MTG1: variants seen among roughly 807,000 people sequenced by gnomAD.
MTG1 encodes the protein mitochondrial ribosome-associated GTPase 1.
A neutral mutation model predicts 39.5 loss-of-function variants in MTG1; 30 were observed. That is an observed-to-expected ratio of 0.76 (90% CI 0.57 to 1.03). The LOEUF (loss-of-function observed/expected upper bound fraction) is 1.03. Among genes scored for constraint, MTG1 ranks in the 50% least tolerant of loss-of-function variants. The pLI, the probability that MTG1 is intolerant of heterozygous loss-of-function variation, is 0.00. For synonymous variants in MTG1, 217 were observed against 179.0 expected (o/e 1.21, Z -1.69); for missense variants, 513 against 447.4 (o/e 1.15, Z -1.32).
At position 133,402,013 on chromosome 10, in the gene MTG1, T is replaced by C. The variant is rs892631351; in HGVS notation, c.574-136T>C. ...GGGGAACCCTGGAGCTTGGTGAGAG[T>C]GACGCTGCCATGGGGTTGGGTCCCT... On this transcript the variant is annotated intron_variant, in intron 7 of 10. Coordinates refer to ENST00000317502, the MANE Select transcript of MTG1 (RefSeq NM_138384.4). The surrounding 1 kb of genome is among the most constrained non-coding windows in gnomAD (Gnocchi z 4.7). 10 of 900,850 alleles carry C rather than the reference T, an allele frequency of 1.1e-5. No homozygotes were observed. The African/African-American group carries it at 1.2e-4, about 10-fold the overall frequency. The allele number at this position is 900,850 out of a possible 1,614,324, so 55.8% of individuals were successfully genotyped here.
chr10:133,418,499 C>CT lies in MTG1; in HGVS notation c.753-975dup, dbSNP rs1273425965. On this transcript the variant is annotated intron_variant, in intron 9 of 10. Coordinates refer to ENST00000317502, the MANE Select transcript of MTG1 (RefSeq NM_138384.4). ...GGCTTGCTCCTCTCTCCTGGGACAG[C>CT]TTTTTTGGAGCACCAGGGCACCCTT... Among the ~76,000 whole-genome samples, 5 of 152,120 alleles carry CT rather than the reference C, an allele frequency of 3.3e-5. No homozygotes were observed. The East Asian group carries it at 9.7e-4, about 29-fold the overall frequency.
chr10:133,406,331 C>G (rs181399519), intron 9 of MTG1, among the ~76,000 whole-genome samples: 1 of 152,022 alleles, frequency 6.6e-6, no homozygotes, highest in African/African-American at 2.4e-5. Context: ...CTTGCCGTGC[C>G]GTCCAGGCTG....
rs1850251370 is a variant in MTG1, at chr10:133,422,081, T to A, written c.*1916T>A. On this transcript the variant is annotated 3_prime_UTR_variant, in exon 11 of 11. Transcript: ENST00000317502. ...GTCCAGTGCTGGAGGCAAGTCCTTG[T>A]CGTGACTGTCCAGCGCCACTCCATG... 1 of 152,846 alleles carries A rather than the reference T, an allele frequency of 6.5e-6. No individual in the cohort carries two copies. Among genetic ancestry groups the A allele is most frequent in the South Asian group, 2.1e-4 (1 of 4,836 alleles). 9.5% of individuals were successfully genotyped at this position (152,846 alleles called of 1,614,324 possible).
At chr10:133,398,027 T>G (rs761953637) in intron 3 of MTG1, among the ~76,000 whole-genome samples, 10 of 152,140 alleles carry the variant, frequency 6.6e-5, no homozygotes, top group Non-Finnish European at 1.3e-4. Flanking sequence ...CCCAAGTACA[T>G]TTACTACCCA....
At chr10:133,419,908 TC>T (rs1455715211) in intron 10 of MTG1, 117 bp from the exon 11 acceptor site, 48 of 1,241,460 alleles carry the variant, frequency 3.9e-5, no homozygotes, top group Non-Finnish European at 4.9e-5. Context: ...GTGATCCCGT[TC>T]CCTGGGCTTC....
chr10:133,398,365 A>G, intron 3 of MTG1, 70 bp from the exon 4 acceptor site: 1 of 1,500,470 alleles, frequency 6.7e-7, no homozygotes, highest in South Asian at 1.2e-5. Context: ...GTGCTACTGC[A>G]CTCCAGCCTG....
At position 133,402,799 on chromosome 10, in the gene MTG1, T is replaced by C. The variant is rs367834685; in HGVS notation, c.752+26T>C. The C allele has an allele frequency of 2.3e-5, 36 of 1,548,398 alleles. No individual in the cohort carries two copies. Among genetic ancestry groups the C allele is most frequent in the Non-Finnish European group, 3.0e-5 (34 of 1,142,670 alleles). ...GTGAGTGCAGTGAATGCAGGGCAGC[T>C]GGGGCCCCTCCTCCTAGTCACCTCA... On this transcript the variant is annotated intron_variant, in intron 9 of 10. Transcript: ENST00000317502. This position sits in a 1 kb window ranked among gnomAD's most constrained non-coding sequence, Gnocchi z 4.7.
At chr10:133,419,262 C>T (rs565475945) in intron 9 of MTG1, among the ~76,000 whole-genome samples, 6 of 152,292 alleles carry the variant, frequency 3.9e-5, no homozygotes, top group South Asian at 2.1e-4. Context: ...CCACACAGGA[C>T]GAAGCTCAGG....
rs1849897159 is a variant in MTG1, at chr10:133,402,469, C to T, written c.671-223C>T. 1 of 693,018 alleles carries T rather than the reference C, an allele frequency of 1.4e-6. No homozygotes were observed. Among genetic ancestry groups the T allele is most frequent in the Admixed American group, 2.6e-5 (1 of 38,100 alleles). 42.9% of individuals were successfully genotyped at this position (693,018 alleles called of 1,614,324 possible). On this transcript the variant is annotated intron_variant, in intron 8 of 10. Transcript: ENST00000317502. The surrounding 1 kb of genome is among the most constrained non-coding windows in gnomAD (Gnocchi z 4.7). ...CCCCATGAGTGGCCTTCCCTTTCCC[C>T]ATTTGACGGACCAGGGCAGAGAGGT...
intron 9 of MTG1, among the ~76,000 whole-genome samples, chr10:133,405,261 G>A (rs1038154157): frequency 1.3e-4 from 20 of 152,264 alleles, no homozygotes; most frequent in South Asian, 6.2e-4. Context: ...AACTTTTAAT[G>A]CTAAGATTTA....
intron 7 of MTG1, 99 bp downstream of exon 7, chr10:133,401,689 TCCCTC>T: frequency 8.8e-7 from 1 of 1,133,674 alleles, no homozygotes; most frequent in Non-Finnish European, 1.3e-6. Flanking sequence ...TGACCACGCT[TCCCTC>T]CCCTCCACTC....
intron 9 of MTG1, among the ~76,000 whole-genome samples, chr10:133,415,959 C>G (rs1331346093): frequency 3.6e-5 from 4 of 112,640 alleles, no homozygotes; most frequent in Non-Finnish European, 7.5e-5. Context: ...TTATCAGGCA[C>G]GCGGGTGTCG....
chr10:133,408,352 T>C (rs1173500945), intron 9 of MTG1, among the ~76,000 whole-genome samples: 1 of 152,230 alleles, frequency 6.6e-6, no homozygotes, highest in Non-Finnish European at 1.5e-5. Flanking sequence ...TTTAATGTTA[T>C]ATGTTTATTG....
intron 9 of MTG1, among the ~76,000 whole-genome samples, chr10:133,410,608 A>G (rs1850033119): frequency 6.6e-6 from 1 of 152,148 alleles, no homozygotes; most frequent in South Asian, 2.1e-4. Context: ...TATTTATAAC[A>G]AGTTATTTAG....
chr10:133,405,584 A>G lies in MTG1; in HGVS notation c.752+2811A>G, dbSNP rs141434278. Reference sequence around the variant, plus strand: ...TTAGCTCCCACATTTGAGTTAGAACATGCATTATTTGTCTTTCTGTGCCTG... The same window carrying G: ...TTAGCTCCCACATTTGAGTTAGAACGTGCATTATTTGTCTTTCTGTGCCTG... On this transcript the variant is annotated intron_variant, in intron 9 of 10. Coordinates refer to ENST00000317502, the MANE Select transcript of MTG1 (RefSeq NM_138384.4). 9.2e-5 allele frequency among the ~76,000 whole-genome samples: 14 copies of G among 152,360 alleles called. No individual in the cohort carries two copies. In the East Asian group the frequency reaches 2.7e-3, roughly 29 times the overall value.
rs540467443 is a variant in MTG1, at chr10:133,403,783, G to T, written c.752+1010G>T. 1.0e-4 allele frequency among the ~76,000 whole-genome samples: 12 copies of T among 114,494 alleles called. No homozygotes were observed. In the East Asian group the frequency reaches 2.6e-3, roughly 24 times the overall value. The allele number at this position is 114,494 out of a possible 152,430, so 75.1% of individuals were successfully genotyped here. The stretch of plus-strand genomic sequence containing the variant: ...AGATCCGGGCTTTCGTTTCCCTTGG[G>T]TTAATACCTAGGAGTAGAGTGGCTG... On this transcript the variant is annotated intron_variant, in intron 9 of 10. Transcript: ENST00000317502.
chr10:133,404,598 T>C (rs1201128166), intron 9 of MTG1, among the ~76,000 whole-genome samples: 1 of 152,220 alleles, frequency 6.6e-6, no homozygotes, highest in African/African-American at 2.4e-5. Flanking sequence ...TCCAGAGTAC[T>C]CTTGTTGTCA....
chr10:133,400,060 C>T (rs191279247), intron 6 of MTG1, among the ~76,000 whole-genome samples: 23 of 152,142 alleles, frequency 1.5e-4, no homozygotes, highest in Middle Eastern at 3.4e-3. Flanking sequence ...GGTGTGGTGG[C>T]GGGCACCTGT....
rs542214801 is a variant in MTG1, at chr10:133,413,472, T to C, written c.753-6008T>C. ...TTTCGCCATGTTGGCCAGGCTGGTC[T>C]TGAACTCCTGACCTCAAGTGATCCA... On this transcript the variant is annotated intron_variant, in intron 9 of 10. Coordinates refer to ENST00000317502, the MANE Select transcript of MTG1 (RefSeq NM_138384.4). Among the ~76,000 whole-genome samples, 230 of 152,332 alleles carry C rather than the reference T, an allele frequency of 1.5e-3. 1 individual carries two copies. The highest frequency in any genetic ancestry group is 2.2e-3 in the Non-Finnish European group (150 of 68,036).
Sources: gnomAD v4.1 joint callset for allele counts (sites outside exome capture counted in the v4.1 genomes callset) on GRCh38, gnomAD v4.1.1 for gene constraint, Gnocchi (gnomAD v3.1) non-coding constraint, MANE v1.5 for transcripts, NCBI Gene and HGNC (gene_info 2026-07-23, HGNC 2026-07-21) for gene names.